The following RALGAPB variants were observed in gnomAD, a reference collection of about 807,000 sequenced individuals.
RALGAPB encodes ral GTPase-activating protein subunit beta.
Under a neutral mutation model 161.1 loss-of-function variants are expected in RALGAPB, and 25 were observed. The ratio of observed to expected loss-of-function variants is 0.16; its 90% CI spans 0.11 to 0.22. RALGAPB has a LOEUF of 0.22. RALGAPB is among the 10% of genes least tolerant of loss of function. The pLI is 1.00. For missense variants in RALGAPB, 1,391 were observed against 1,815.2 expected (o/e 0.77, Z 4.25); for synonymous variants, 629 against 626.1 (o/e 1.00, Z -0.07).
At chr20:38,557,466 A>G (rs936670077) in intron 22 of RALGAPB, among the ~76,000 whole-genome samples, 1 of 152,220 alleles carries the variant, frequency 6.6e-6, no homozygotes, top group African/African-American at 2.4e-5. Flanking sequence ...AGTTGTACAA[A>G]TAGTTTTACT....
chr20:38,564,482 A>G (rs1367317521), intron 24 of RALGAPB, among the ~76,000 whole-genome samples: 1 of 152,218 alleles, frequency 6.6e-6, no homozygotes, highest in African/African-American at 2.4e-5. Flanking sequence ...TTAATTTTTA[A>G]TAATGGTTGA....
At chr20:38,515,554 A>AT (rs1383235695) in intron 6 of RALGAPB, among the ~76,000 whole-genome samples, 4 of 152,212 alleles carry the variant, frequency 2.6e-5, no homozygotes, top group Non-Finnish European at 5.9e-5. Flanking sequence ...CCGTTTTGAA[A>AT]TTTATGGCTT....
intron 26 of RALGAPB, 71 bp from the exon 27 acceptor site, chr20:38,569,817 G>A (rs1400483160): frequency 7.2e-6 from 8 of 1,109,338 alleles, no homozygotes; most frequent in Admixed American, 1.8e-5. Flanking sequence ...TGAATGACTG[G>A]GTAGTTTTAT....
At chr20:38,519,175 T>C (rs1403158356) in intron 9 of RALGAPB, among the ~76,000 whole-genome samples, 1 of 152,170 alleles carries the variant, frequency 6.6e-6, no homozygotes, top group Non-Finnish European at 1.5e-5. Context: ...TTCAGACACT[T>C]TATATTCTTC....
intron 28 of RALGAPB, chr20:38,573,865 T>G (rs1052769836): frequency 2.0e-5 from 4 of 205,072 alleles, no homozygotes; most frequent in African/African-American, 6.9e-5. Context: ...TTCCACCCAG[T>G]GTCCCTATTG....
chr20:38,551,015 A>G (rs1448405924), intron 20 of RALGAPB, 56 bp from the exon 21 acceptor site: 2 of 1,564,856 alleles, frequency 1.3e-6, no homozygotes, highest in African/African-American at 2.7e-5. Context: ...AATACATGTC[A>G]TTACAGATGG....
At position 38,562,561 on chromosome 20, in the gene RALGAPB, T is replaced by C. The variant is rs2087822044; in HGVS notation, c.3561T>C (p.Thr1187=). ...TAAAGAATGTGGAGTCTTCCAGAAC[T>C]GTTCAGCCACATTTCCTAGAATTTT... ...EILKNVESSR[T]VQPHFLEFLL... Residue 1187 remains threonine (T), a synonymous_variant, in exon 24 of 30, where the codon ACT becomes ACC. Transcript: ENST00000262879. 6.2e-7 allele frequency: 1 copy of C among 1,612,628 alleles called. No individual in the cohort carries two copies. Among genetic ancestry groups the C allele is most frequent in the South Asian group, 1.1e-5 (1 of 90,866 alleles).
intron 16 of RALGAPB, 39 bp downstream of exon 16, chr20:38,535,246 TG>T: frequency 6.2e-7 from 1 of 1,607,780 alleles, no homozygotes; most frequent in South Asian, 1.1e-5. Flanking sequence ...CCAACAGCCT[TG>T]GGCCTTGGCT....
intron 25 of RALGAPB, among the ~76,000 whole-genome samples, chr20:38,565,753 A>G (rs2087974886): frequency 3.3e-5 from 5 of 152,228 alleles, no homozygotes; most frequent in Admixed American, 1.3e-4. Context: ...TAATCAATAC[A>G]TAGGCTTATT....
intron 1 of RALGAPB, among the ~76,000 whole-genome samples, chr20:38,480,991 C>T (rs2084951143): frequency 6.6e-6 from 1 of 152,084 alleles, no homozygotes; most frequent in Admixed American, 6.5e-5. Context: ...CCATCTTGGC[C>T]TCCCAAAGTG....
In RALGAPB at chr20:38,521,493, C is replaced by T. The variant is rs1450946506; in HGVS notation, c.1418-4C>T. The stretch of plus-strand genomic sequence containing the variant: ...ATAATAAAACCCTCCTTTTCTCTCC[C>T]CAGCCATTACAACACAAGCTAGCAT... On this transcript the variant is annotated splice_polypyrimidine_tract_variant and splice_region_variant and intron_variant, in intron 9 of 29. Coordinates refer to ENST00000262879, the MANE Select transcript of RALGAPB (RefSeq NM_020336.4). 1.2e-6 allele frequency: 2 copies of T among 1,614,076 alleles called. No individual in the cohort carries two copies. Among genetic ancestry groups the T allele is most frequent in the East Asian group, 2.2e-5 (1 of 44,884 alleles).
In RALGAPB at chr20:38,521,559, A is replaced by G. The variant is rs764927223; in HGVS notation, c.1480A>G (p.Met494Val). 6 of 1,614,190 alleles carry G rather than the reference A, an allele frequency of 3.7e-6. No individual in the cohort carries two copies. In the South Asian group the frequency reaches 5.5e-5, roughly 15 times the overall value. Residue 494 changes from methionine (M) to valine (V), a missense_variant, in exon 10 of 30, where the codon ATG (methionine) becomes GTG (valine). By Grantham distance (21) the Met-to-Val change is conservative (BLOSUM62 1). Around this residue, in one of 3 missense-constraint regions of RALGAPB, gnomAD observed 946 missense variants for 1,257.2 expected, o/e 0.75. Transcript: ENST00000262879. Reference protein sequence around the residue: ...RKGSQMSTDTMVSNPMFDASE... With the variant: ...RKGSQMSTDTVVSNPMFDASE... ...AGGGTCACAAATGTCCACAGACACC[A>G]TGGTTTCCAATCCTATGTTTGATGC... is the stretch of plus-strand genomic sequence containing the variant.
intron 24 of RALGAPB, among the ~76,000 whole-genome samples, chr20:38,564,110 C>T (rs759478841): frequency 2.6e-5 from 4 of 152,162 alleles, no homozygotes; most frequent in Non-Finnish European, 5.9e-5. Context: ...GCACATTTTG[C>T]CTGCTGCAGA....
At chr20:38,524,667 G>GGTAAAAA in intron 10 of RALGAPB, 111 bp from the exon 11 acceptor site, 3 of 792,620 alleles carry the variant, frequency 3.8e-6, no homozygotes, top group Non-Finnish European at 6.1e-6. Flanking sequence ...TTCTTTAAAG[G>GGTAAAAA]GTAAAAATAG....
chr20:38,491,983 A>G (rs1256739467), intron 2 of RALGAPB, among the ~76,000 whole-genome samples: 1 of 152,210 alleles, frequency 6.6e-6, no homozygotes, highest in Non-Finnish European at 1.5e-5. Flanking sequence ...CCAGTTTACA[A>G]TGTCTGGAAT....
Position 38,525,953 on chromosome 20 carries a change from C to T in RALGAPB, c.1961C>T (p.Thr654Ile). The change falls in exon 13 of 30, where the codon ACT (threonine) becomes ATT (isoleucine). Residue 654 changes from threonine (T) to isoleucine (I), a missense_variant. Coordinates refer to ENST00000262879, the MANE Select transcript of RALGAPB (RefSeq NM_020336.4). ...AGCTCTTCTTATGATAAACCAATAA[C>T]TTTTCTGTCCCTGAAGTTGAGACTT... ...DDSSSYDKPI[T>I]FLSLKLRLVN... The T allele has an allele frequency of 6.2e-7, 1 of 1,613,844 alleles. No homozygotes were observed. Among genetic ancestry groups the T allele is most frequent in the Non-Finnish European group, 8.5e-7 (1 of 1,179,794 alleles).
At chr20:38,474,150 T>C (rs776053944) in intron 1 of RALGAPB, among the ~76,000 whole-genome samples, 1 of 152,216 alleles carries the variant, frequency 6.6e-6, no homozygotes, top group Non-Finnish European at 1.5e-5. Context: ...ACAGTACTTA[T>C]AGGTGTAGCG....
intron 1 of RALGAPB, among the ~76,000 whole-genome samples, chr20:38,478,769 A>G (rs1383425056): frequency 6.6e-6 from 1 of 152,106 alleles, no homozygotes; most frequent in Non-Finnish European, 1.5e-5. Context: ...GACATGCGCC[A>G]CCACGCCCAG....
In RALGAPB at chr20:38,480,008, GTCT is replaced by G. The variant is rs563270592; in HGVS notation, c.-31+6946_-31+6948del. Among the ~76,000 whole-genome samples, 1,184 of 151,838 alleles carry G rather than the reference GTCT, an allele frequency of 7.8e-3. 8 individuals are homozygous for G. Among genetic ancestry groups the G allele is most frequent in the Non-Finnish European group, 0.013 (850 of 67,908 alleles). ...CTTTTTTTTTTTTGTTTGAGACAGGGTCTTCTTCTGTTGCTCAGGCTGGAGTGC... is the reference window on the plus strand; with the variant it reads ...CTTTTTTTTTTTTGTTTGAGACAGGGTCTTCTGTTGCTCAGGCTGGAGTGC... On this transcript the variant is annotated intron_variant, in intron 1 of 29. Coordinates refer to ENST00000262879, the MANE Select transcript of RALGAPB (RefSeq NM_020336.4).
Sources: gnomAD v4.1 joint callset for allele counts (sites outside exome capture counted in the v4.1 genomes callset) on GRCh38, gnomAD v4.1.1 for gene constraint, gnomAD v4.1.1 regional missense constraint, MANE v1.5 for transcripts, NCBI Gene and HGNC (gene_info 2026-07-23, HGNC 2026-07-21) for gene names.